Variants in AGAP1 observed in about 807,000 individuals in gnomAD.
The protein encoded by AGAP1 is arf-GAP with GTPase, ANK repeat and PH domain-containing protein 1.
AGAP1 carries 29 observed loss-of-function variants against 105.3 expected under a neutral mutation model. The ratio of observed to expected loss-of-function variants is 0.28; its 90% CI spans 0.21 to 0.38. The LOEUF (loss-of-function observed/expected upper bound fraction) is 0.38, where lower values mean the gene tolerates loss of function less well. AGAP1 is among the 10% of genes least tolerant of loss of function. AGAP1 has a pLI of 1.00. For synonymous variants in AGAP1, 509 were observed against 485.9 expected, an observed-to-expected ratio of 1.05 and a Z score of -0.63; for missense variants, 998 against 1,165.1, an observed-to-expected ratio of 0.86 and a Z score of 2.09.
chr2:236,039,020 T>C (rs1218249767), intron 14 of AGAP1, among the ~76,000 whole-genome samples: 2 of 152,228 alleles, frequency 1.3e-5, no homozygotes, highest in East Asian at 3.9e-4. Context: ...TTCACATCAA[T>C]TTGATGAGAT....
In AGAP1 at chr2:236,120,260, C is replaced by T. The variant is rs775083090; in HGVS notation, c.2183C>T (p.Thr728Met). 7.4e-6 allele frequency: 12 copies of T among 1,613,386 alleles called. No individual in the cohort carries two copies. Among genetic ancestry groups the T allele is most frequent in the Admixed American group, 3.3e-5 (2 of 60,004 alleles). Residue 728 changes from threonine (T) to methionine (M), a missense_variant, in exon 17 of 18, where the codon ACG becomes ATG. Physicochemically the swap from Thr to Met is moderately conservative, Grantham distance 81. Around this residue, in one of 3 missense-constraint regions of AGAP1, gnomAD observed 235 missense variants for 270.7 expected, o/e 0.87. Transcript: ENST00000304032. The surrounding 1 kb of genome is among the most constrained non-coding windows in gnomAD (Gnocchi z 6.0). ...QKLFLAPLPC[T>M]ELSLGQHLLR... is the part of the protein sequence containing the mutation. Reference sequence around the variant, plus strand: ...CTCTTCCTGGCCCCGCTGCCCTGCACGGAGCTGTCCCTGGGCCAGCACCTG... The same window carrying T: ...CTCTTCCTGGCCCCGCTGCCCTGCATGGAGCTGTCCCTGGGCCAGCACCTG...
Position 235,717,602 on chromosome 2 carries a change from C to T in AGAP1, c.268C>T (p.Arg90Trp), listed in dbSNP as rs760117989. ...LASGKSALVH[R>W]YLTGTYVQEE... is the part of the protein sequence containing the mutation. ...CAGCGGCAAGTCTGCCCTGGTGCAC[C>T]GGTACCTGACGGGCACATATGTCCA... The change falls in exon 3 of 18, where the codon CGG (arginine) becomes TGG (tryptophan). Residue 90 changes from arginine (R) to tryptophan (W), a missense_variant. By Grantham distance (101) the Arg-to-Trp change is moderately radical. Around this residue, in one of 3 missense-constraint regions of AGAP1, gnomAD observed 735 missense variants for 833.4 expected, o/e 0.88. Transcript: ENST00000304032. The T allele has an allele frequency of 7.5e-6, 12 of 1,603,892 alleles. No individual in the cohort carries two copies. Among genetic ancestry groups the T allele is most frequent in the African/African-American group, 2.7e-5 (2 of 74,392 alleles).
At chr2:235,755,393 A>G (rs1953840141) in intron 6 of AGAP1, among the ~76,000 whole-genome samples, 1 of 152,196 alleles carries the variant, frequency 6.6e-6, no homozygotes, top group Admixed American at 6.5e-5. Flanking sequence ...TTACAGAAAA[A>G]TAAAGTTCAT....
chr2:235,709,101 A>C, intron 1 of AGAP1, 78 bp from the exon 2 acceptor site: 1 of 1,419,478 alleles, frequency 7.0e-7, no homozygotes, highest in Non-Finnish European at 1.0e-6. Flanking sequence ...TCGGATGTGA[A>C]AATGGCCCAT....
intron 16 of AGAP1, among the ~76,000 whole-genome samples, chr2:236,091,971 C>G (rs1271317963): frequency 1.3e-5 from 2 of 152,310 alleles, no homozygotes; most frequent in East Asian, 3.9e-4. Context: ...ACAACAACAA[C>G]TTAGGCGAAT....
chr2:235,547,145 G>A (rs1171164253), intron 1 of AGAP1, among the ~76,000 whole-genome samples: 1 of 152,166 alleles, frequency 6.6e-6, no homozygotes, highest in Non-Finnish European at 1.5e-5. Context: ...CACAGACCAG[G>A]GAGGTGACGG....
chr2:235,973,672 A>G lies in AGAP1; in HGVS notation c.1645+5049A>G, dbSNP rs2054744377. 6.6e-6 allele frequency among the ~76,000 whole-genome samples: 1 copy of G among 152,186 alleles called. No individual in the cohort carries two copies. The highest frequency in any genetic ancestry group is 6.5e-5 in the Admixed American group (1 of 15,286). On this transcript the variant is annotated intron_variant, in intron 13 of 17. Coordinates refer to ENST00000304032, the MANE Select transcript of AGAP1 (RefSeq NM_001037131.3). The surrounding 1 kb of genome is among the most constrained non-coding windows in gnomAD (Gnocchi z 4.7). ...GTCCTGGATGGCCCAGGTGGTAACC[A>G]TGGGACCTGATGGGTGGAAGCCTCA... is the stretch of plus-strand genomic sequence containing the variant.
chr2:235,538,881 A>G (rs766634722), intron 1 of AGAP1, among the ~76,000 whole-genome samples: 1 of 151,796 alleles, frequency 6.6e-6, no homozygotes, highest in Non-Finnish European at 1.5e-5. Flanking sequence ...GTAAGTGGAA[A>G]AAGGATTTTT....
chr2:236,035,538 C>T lies in AGAP1; in HGVS notation c.1646-1023C>T, dbSNP rs534365530. Among the ~76,000 whole-genome samples, 4 of 152,254 alleles carry T rather than the reference C, an allele frequency of 2.6e-5. No individual in the cohort carries two copies. Among genetic ancestry groups the T allele is most frequent in the South Asian group, 2.1e-4 (1 of 4,818 alleles). ...GCTACTCAGGAGGCGAAGGCAGGCT[C>T]GCTTGAGCCTGGGAGGTGGAAGATA... is the stretch of plus-strand genomic sequence containing the variant. On this transcript the variant is annotated intron_variant, in intron 13 of 17. Transcript: ENST00000304032. This position sits in a 1 kb window ranked among gnomAD's most constrained non-coding sequence, Gnocchi z 4.2.
Position 235,611,947 on chromosome 2 carries a change from A to G in AGAP1, c.164-97232A>G, listed in dbSNP as rs987338142. ...GGCACGGTTTAAGGGTTGAGACCAC[A>G]TCCTAGGTGGCGGTCACAAACCCGG... On this transcript the variant is annotated intron_variant, in intron 1 of 17. Coordinates refer to ENST00000304032, the MANE Select transcript of AGAP1 (RefSeq NM_001037131.3). The surrounding 1 kb of genome is among the most constrained non-coding windows in gnomAD (Gnocchi z 5.0). 6.6e-6 allele frequency among the ~76,000 whole-genome samples: 1 copy of G among 152,190 alleles called. No homozygotes were observed. The highest frequency in any genetic ancestry group is 2.4e-5 in the African/African-American group (1 of 41,456).
chr2:236,040,673 C>G lies in AGAP1; in HGVS notation c.1801-78C>G. The G allele has an allele frequency of 7.2e-7, 1 of 1,393,894 alleles. No homozygotes were observed. Among genetic ancestry groups the G allele is most frequent in the Non-Finnish European group, 1.0e-6 (1 of 992,560 alleles). 86.3% of individuals were successfully genotyped at this position (1,393,894 alleles called of 1,614,324 possible). A position where few individuals can be genotyped will look rare whatever the true frequency, so the allele number is the denominator to read the frequency against. ...TACATTTGCTCCCAATCTGTTTGAT[C>G]TTTCCCTGATGTTATCAGTGATGTG... On this transcript the variant is annotated intron_variant, in intron 14 of 17. Coordinates refer to ENST00000304032, the MANE Select transcript of AGAP1 (RefSeq NM_001037131.3). The surrounding 1 kb of genome is among the most constrained non-coding windows in gnomAD (Gnocchi z 5.6).
At chr2:235,686,622 T>TATATAG (rs1949419241) in intron 1 of AGAP1, among the ~76,000 whole-genome samples, 1 of 27,584 alleles carries the variant, frequency 3.6e-5, no homozygotes, top group Non-Finnish European at 7.5e-5. Flanking sequence ...GAGATATAGA[T>TATATAG]ATATATATAT....
At chr2:236,085,305 G>C (rs1016887878) in intron 16 of AGAP1, among the ~76,000 whole-genome samples, 8 of 152,104 alleles carry the variant, frequency 5.3e-5, no homozygotes, top group Non-Finnish European at 1.2e-4. Flanking sequence ...GGGTGGTAGG[G>C]GGGCAGTGTT....
Position 235,732,370 on chromosome 2 carries a change from A to G in AGAP1, c.311-8593A>G, listed in dbSNP as rs1306886621. 6.6e-6 allele frequency among the ~76,000 whole-genome samples: 1 copy of G among 152,074 alleles called. No homozygotes were observed. The highest frequency in any genetic ancestry group is 1.5e-5 in the Non-Finnish European group (1 of 68,028). On this transcript the variant is annotated intron_variant, in intron 3 of 17. Transcript: ENST00000304032. This position sits in a 1 kb window ranked among gnomAD's most constrained non-coding sequence, Gnocchi z 4.8. ...CTTACTTTTTCTAATTTTATTCATCAGTTCCCCAAATGCCGTTTTGATCCT... is the reference window on the plus strand; with the variant it reads ...CTTACTTTTTCTAATTTTATTCATCGGTTCCCCAAATGCCGTTTTGATCCT...
chr2:236,014,430 G>T lies in AGAP1; in HGVS notation c.1646-22131G>T, dbSNP rs149029277. Among the ~76,000 whole-genome samples, 2 of 152,202 alleles carry T rather than the reference G, an allele frequency of 1.3e-5. No individual in the cohort carries two copies. Among genetic ancestry groups the T allele is most frequent in the Non-Finnish European group, 2.9e-5 (2 of 68,038 alleles). On this transcript the variant is annotated intron_variant, in intron 13 of 17. Transcript: ENST00000304032. This position sits in a 1 kb window ranked among gnomAD's most constrained non-coding sequence, Gnocchi z 6.3. ...TTGGCCGAATCAAAGGGCTTGTGGC[G>T]ACTGGCATCATAGCTCCTTCAAAGG... is the stretch of plus-strand genomic sequence containing the variant.
At position 235,992,075 on chromosome 2, in the gene AGAP1, C is replaced by T. The variant is rs767712675; in HGVS notation, c.1645+23452C>T. Among the ~76,000 whole-genome samples, 1 of 152,148 alleles carries T rather than the reference C, an allele frequency of 6.6e-6. No homozygotes were observed. The highest frequency in any genetic ancestry group is 1.5e-5 in the Non-Finnish European group (1 of 68,036). On this transcript the variant is annotated intron_variant, in intron 13 of 17. Transcript: ENST00000304032. The surrounding 1 kb of genome is among the most constrained non-coding windows in gnomAD (Gnocchi z 4.8). ...TCTGTCCACAGGACATGGCCGTAGC[C>T]GTGTGTGGAGAAGGGTTGTGATGGT...
In AGAP1 at chr2:235,983,015, G is replaced by A. The variant is rs1315032164; in HGVS notation, c.1645+14392G>A. On this transcript the variant is annotated intron_variant, in intron 13 of 17. Transcript: ENST00000304032. This position sits in a 1 kb window ranked among gnomAD's most constrained non-coding sequence, Gnocchi z 4.5. ...GCATTTGCAAACACTCCTCCACACT[G>A]TTCAGATGAGCGATGTGTGAGCATG... Among the ~76,000 whole-genome samples, 4 of 152,112 alleles carry A rather than the reference G, an allele frequency of 2.6e-5. No homozygotes were observed. The highest frequency in any genetic ancestry group is 4.4e-5 in the Non-Finnish European group (3 of 68,026).
intron 1 of AGAP1, among the ~76,000 whole-genome samples, chr2:235,694,124 A>T (rs1191444502): frequency 6.6e-6 from 1 of 151,930 alleles, no homozygotes; most frequent in East Asian, 1.9e-4. Context: ...TGGGTGGATC[A>T]TCTGAGGTCA....
intron 16 of AGAP1, among the ~76,000 whole-genome samples, chr2:236,100,584 G>T (rs562633504): frequency 5.8e-4 from 89 of 152,198 alleles, no homozygotes; most frequent in African/African-American, 2.1e-3. Flanking sequence ...CAGCACTTTG[G>T]GTGGCCGAGG....
Sources: gnomAD v4.1 joint callset for allele counts (sites outside exome capture counted in the v4.1 genomes callset) on GRCh38, gnomAD v4.1.1 for gene constraint, gnomAD v4.1.1 regional missense constraint, Gnocchi (gnomAD v3.1) non-coding constraint, MANE v1.5 for transcripts, NCBI Gene and HGNC (gene_info 2026-07-23, HGNC 2026-07-21) for gene names.